The following SNX13 variants were observed in gnomAD, a reference collection of about 807,000 sequenced individuals.
The protein encoded by SNX13 is sorting nexin-13.
In SNX13, 45 loss-of-function variants were observed where a neutral mutation model predicts 133.6. That is an observed-to-expected ratio of 0.34 (90% CI 0.27 to 0.43). The LOEUF is 0.43. SNX13 is among the 20% of genes least tolerant of loss of function. SNX13 has a pLI of 1.00. For missense variants in SNX13, 1,032 were observed against 1,145.1 expected, an observed-to-expected ratio of 0.90 and a Z score of 1.43; for synonymous variants, 414 against 373.9, an observed-to-expected ratio of 1.11 and a Z score of -1.24.
chr7:17,810,461 G>C (rs1300228220), intron 20 of SNX13, among the ~76,000 whole-genome samples: 1 of 152,062 alleles, frequency 6.6e-6, no homozygotes, highest in Non-Finnish European at 1.5e-5. Context: ...TTCTGAAATT[G>C]AGGCAGTAAT....
chr7:17,898,556 A>C (rs1429058130), intron 1 of SNX13, among the ~76,000 whole-genome samples: 1 of 152,210 alleles, frequency 6.6e-6, no homozygotes, highest in Non-Finnish European at 1.5e-5. Flanking sequence ...CATTCTAGTA[A>C]GGAAAGAAAC....
chr7:17,858,860 T>C (rs2389856), intron 9 of SNX13, among the ~76,000 whole-genome samples: 17,702 of 152,140 alleles, frequency 0.12, 1,439 homozygotes, highest in East Asian at 0.34. Flanking sequence ...AAATTAATTT[T>C]ATGAAAAAGT....
Position 17,799,166 on chromosome 7 carries a change from T to C in SNX13, c.2299-12A>G. 6.3e-7 allele frequency: 1 copy of C among 1,583,100 alleles called. No homozygotes were observed. The highest frequency in any genetic ancestry group is 8.6e-7 in the Non-Finnish European group (1 of 1,166,930). On this transcript the variant is annotated splice_polypyrimidine_tract_variant and intron_variant, in intron 22 of 25. Coordinates refer to ENST00000428135, the MANE Select transcript of SNX13 (RefSeq NM_015132.5). Reference sequence around the variant, plus strand: ...ATATTGTCATCCACCTGACAAAATATAAGAAATAAGAATAAGTTTGAGTTA... The same window carrying C: ...ATATTGTCATCCACCTGACAAAATACAAGAAATAAGAATAAGTTTGAGTTA...
chr7:17,927,118 A>T (rs975634503), intron 1 of SNX13, among the ~76,000 whole-genome samples: 4 of 151,746 alleles, frequency 2.6e-5, no homozygotes, highest in African/African-American at 4.8e-5. Context: ...ATTAAAAAAT[A>T]TAAACTATGC....
intron 9 of SNX13, among the ~76,000 whole-genome samples, chr7:17,858,787 G>A (rs1334645635): frequency 6.6e-6 from 1 of 152,048 alleles, no homozygotes; most frequent in Non-Finnish European, 1.5e-5. Flanking sequence ...CAACAGAAAA[G>A]AAGAGGCCAG....
At chr7:17,806,042 A>C (rs947186473) in intron 20 of SNX13, among the ~76,000 whole-genome samples, 1 of 152,224 alleles carries the variant, frequency 6.6e-6, no homozygotes, top group South Asian at 2.1e-4. Context: ...TCAGATGATC[A>C]TGCACAGGAG....
chr7:17,899,036 G>C (rs530686716), intron 1 of SNX13: 1 of 152,140 alleles, frequency 6.6e-6, no homozygotes, highest in East Asian at 1.9e-4. Context: ...TCTAAGAGCG[G>C]GTAAGTAGGA....
chr7:17,874,650 G>C (rs1447959865), intron 7 of SNX13, among the ~76,000 whole-genome samples: 1 of 152,156 alleles, frequency 6.6e-6, no homozygotes, highest in Non-Finnish European at 1.5e-5. Flanking sequence ...TCAACAACTA[G>C]AAGGGCTTTT....
At chr7:17,938,015 G>C (rs1802308133) in intron 1 of SNX13, among the ~76,000 whole-genome samples, 6 of 152,168 alleles carry the variant, frequency 3.9e-5, no homozygotes. Flanking sequence ...AAAAGCTGCT[G>C]ATCTAAGTCA....
Position 17,875,031 on chromosome 7 carries a change from G to T in SNX13, c.664+449C>A, listed in dbSNP as rs143130071. Among the ~76,000 whole-genome samples, 208 of 151,934 alleles carry T rather than the reference G, an allele frequency of 1.4e-3. 6 individuals carry two copies. The East Asian group carries it at 0.035, about 25-fold the overall frequency. Reference sequence around the variant, plus strand: ...AATTTCTTTTCTTTTTTTTAGACAGGGTCTCACTCTCGTCACTCAGGCTGG... The same window carrying T: ...AATTTCTTTTCTTTTTTTTAGACAGTGTCTCACTCTCGTCACTCAGGCTGG... On this transcript the variant is annotated intron_variant, in intron 7 of 25. Coordinates refer to ENST00000428135, the MANE Select transcript of SNX13 (RefSeq NM_015132.5).
intron 17 of SNX13, 34 bp from the exon 18 acceptor site, chr7:17,821,682 C>T (rs200725940): frequency 7.1e-6 from 11 of 1,557,520 alleles, no homozygotes; most frequent in Non-Finnish European, 9.6e-6. Context: ...TCAGCATATA[C>T]TAATCATTTA....
rs71553704 is a variant in SNX13, at chr7:17,841,553, T to TACACACACACACAC, written c.1166-1567_1166-1554dup. Among the ~76,000 whole-genome samples the TACACACACACACAC allele has an allele frequency of 8.6e-3, 1,234 of 143,060 alleles. 18 individuals are homozygous for TACACACACACACAC. The highest frequency in any genetic ancestry group is 0.023 in the African/African-American group (888 of 37,818). The allele number at this position is 143,060 out of a possible 152,430, so 93.9% of individuals were successfully genotyped here. ...TTAGATTCAAACAGCCAGTTATTCA[T>TACACACACACACAC]ACACACACACACACACACACACACA... is the stretch of plus-strand genomic sequence containing the variant. On this transcript the variant is annotated intron_variant, in intron 12 of 25. Coordinates refer to ENST00000428135, the MANE Select transcript of SNX13 (RefSeq NM_015132.5).
chr7:17,810,155 G>T (rs964152460), intron 20 of SNX13, among the ~76,000 whole-genome samples: 1 of 151,838 alleles, frequency 6.6e-6, no homozygotes, highest in Non-Finnish European at 1.5e-5. Flanking sequence ...CACGAAAAAC[G>T]CTTCAAAAAA....
rs1222723270 is a variant in SNX13, at chr7:17,792,857, T to C, written c.*1188A>G. ...CTCCAAAACTAGAGAAAGTATTTTA[T>C]TTTATTGATATAAAATTAATTTATG... On this transcript the variant is annotated 3_prime_UTR_variant, in exon 26 of 26. Coordinates refer to ENST00000428135, the MANE Select transcript of SNX13 (RefSeq NM_015132.5). 2 of 152,372 alleles carry C rather than the reference T, an allele frequency of 1.3e-5. No individual in the cohort carries two copies. The highest frequency in any genetic ancestry group is 2.4e-5 in the African/African-American group (1 of 41,434). The allele number at this position is 152,372 out of a possible 1,614,324, so 9.4% of individuals were successfully genotyped here.
Position 17,850,353 on chromosome 7 carries a change from T to G in SNX13, c.1059A>C (p.Ser353=). The change falls in exon 11 of 26, where the codon TCA becomes TCC. Residue 353 remains serine, a synonymous_variant. Transcript: ENST00000428135. ...VCDSRIQRLQ[S]GKEINTVKLA... is the part of the protein sequence containing the mutation. ...TCAAAACTACTTTACTTACTTTGCC[T>G]GACTGCAATCGCTGTATTCTTGAGT... The G allele has an allele frequency of 6.3e-7, 1 of 1,591,338 alleles. No homozygotes were observed. Among genetic ancestry groups the G allele is most frequent in the Non-Finnish European group, 8.6e-7 (1 of 1,169,282 alleles).
chr7:17,923,989 A>G (rs1257056504), intron 1 of SNX13, among the ~76,000 whole-genome samples: 3 of 152,250 alleles, frequency 2.0e-5, no homozygotes, highest in African/African-American at 7.2e-5. Flanking sequence ...GGGGAAAACT[A>G]TAATGGTTTA....
intron 20 of SNX13, among the ~76,000 whole-genome samples, chr7:17,805,211 T>TGTGTGTGTGTGTGTGTG (rs756302031): frequency 5.1e-5 from 6 of 118,522 alleles, no homozygotes; most frequent in African/African-American, 1.0e-4. Flanking sequence ...TAATGATTCT[T>TGTGTGTGTGTGTGTGTG]TGTGTGTGTG....
chr7:17,898,800 A>T (rs1797503540), intron 1 of SNX13: 1 of 152,216 alleles, frequency 6.6e-6, no homozygotes, highest in Non-Finnish European at 1.5e-5. Flanking sequence ...TTCCTACCCC[A>T]AAATGACATT....
chr7:17,866,812 G>A (rs1295045245), intron 9 of SNX13, among the ~76,000 whole-genome samples: 3 of 152,208 alleles, frequency 2.0e-5, no homozygotes, highest in East Asian at 1.9e-4. Flanking sequence ...GGTGGCTACA[G>A]TTAACAATAA....
Sources: allele counts gnomAD v4.1 joint callset (sites outside exome capture counted in the v4.1 genomes callset), GRCh38; gene constraint gnomAD v4.1.1; transcripts MANE v1.5; gene names NCBI Gene and HGNC (gene_info 2026-07-23, HGNC 2026-07-21).